MCTP1: variants seen among roughly 807,000 people sequenced by gnomAD.
MCTP1 encodes multiple C2 and transmembrane domain-containing protein 1.
A neutral mutation model predicts 120.6 loss-of-function variants in MCTP1; 69 were observed. That is an observed-to-expected ratio of 0.57 (90% confidence interval 0.47 to 0.70). The LOEUF (loss-of-function observed/expected upper bound fraction) is 0.70. Among genes scored for constraint, MCTP1 ranks in the 30% least tolerant of loss-of-function variants. The pLI is 0.00. For synonymous variants in MCTP1, 529 were observed against 493.1 expected (o/e 1.07, Z -0.96); for missense variants, 1,203 against 1,248.8 (o/e 0.96, Z 0.55).
chr5:94,800,176 C>T (rs942303383), intron 17 of MCTP1, among the ~76,000 whole-genome samples: 12 of 152,120 alleles, frequency 7.9e-5, no homozygotes, highest in Admixed American at 4.6e-4. Flanking sequence ...GCAGTAATTT[C>T]GCAAAAACCA....
chr5:94,926,044 G>A (rs1813013648), intron 6 of MCTP1, among the ~76,000 whole-genome samples: 1 of 151,984 alleles, frequency 6.6e-6, no homozygotes, highest in Non-Finnish European at 1.5e-5. Context: ...AAAATTAAAG[G>A]ACAGTTTATT....
At chr5:94,776,835 C>T (rs1469388145) in intron 19 of MCTP1, among the ~76,000 whole-genome samples, 2 of 152,094 alleles carry the variant, frequency 1.3e-5, no homozygotes, top group African/African-American at 2.4e-5. Context: ...ACACTGATAG[C>T]CAAGACGTAA....
chr5:94,871,592 C>T (rs1797863667), intron 13 of MCTP1, among the ~76,000 whole-genome samples, 175 bp from the exon 14 acceptor site: 7 of 152,026 alleles, frequency 4.6e-5, no homozygotes, highest in Admixed American at 4.6e-4. Context: ...CATAATGCAC[C>T]TAAGTCAACT....
chr5:95,130,283 A>C (rs1048227697), intron 1 of MCTP1, among the ~76,000 whole-genome samples: 1 of 152,136 alleles, frequency 6.6e-6, no homozygotes, highest in African/African-American at 2.4e-5. Context: ...CGTGTCTCCT[A>C]TCTCCTACCT....
In MCTP1 at chr5:94,704,586, TAAAAGATAATTTTAG is replaced by T. The variant is rs1295886857; in HGVS notation, c.*2895_*2909del. On this transcript the variant is annotated 3_prime_UTR_variant, in exon 23 of 23. Coordinates refer to ENST00000515393, the MANE Select transcript of MCTP1 (RefSeq NM_024717.7). ...TTTTAAATGCAGAATAAAAATTTTATAAAAGATAATTTTAGAAATGTATCAATTAAATTTGGCTCT... is the reference window on the plus strand; with the variant it reads ...TTTTAAATGCAGAATAAAAATTTTATAAATGTATCAATTAAATTTGGCTCT... The T allele has an allele frequency of 6.7e-6, 1 of 148,202 alleles. No homozygotes were observed. Among genetic ancestry groups the T allele is most frequent in the Non-Finnish European group, 1.5e-5 (1 of 67,588 alleles). 9.2% of individuals were successfully genotyped at this position (148,202 alleles called of 1,614,324 possible).
intron 19 of MCTP1, among the ~76,000 whole-genome samples, chr5:94,777,393 A>ATCC (rs974963987): frequency 2.6e-5 from 4 of 152,284 alleles, no homozygotes; most frequent in Admixed American, 6.5e-5. Context: ...CATATCTAAC[A>ATCC]TCCTCTCCAT....
At chr5:94,826,200 T>C in intron 17 of MCTP1, 1 of 409,686 alleles carries the variant, frequency 2.4e-6, no homozygotes, top group Non-Finnish European at 4.7e-6. Flanking sequence ...GTCCAAGCAA[T>C]TTGCTTCTTA....
intron 1 of MCTP1, among the ~76,000 whole-genome samples, chr5:95,070,717 C>A (rs1486669546): frequency 6.6e-6 from 1 of 152,208 alleles, no homozygotes; most frequent in Non-Finnish European, 1.5e-5. Flanking sequence ...GGCAGACTGT[C>A]TAGAGAGAGG....
At chr5:95,186,988 T>C (rs1238549110) in intron 1 of MCTP1, among the ~76,000 whole-genome samples, 1 of 152,210 alleles carries the variant, frequency 6.6e-6, no homozygotes, top group Non-Finnish European at 1.5e-5. Context: ...GGAACCCTCA[T>C]ACACTGTTGG....
chr5:94,711,099 A>G (rs571306910), intron 20 of MCTP1, among the ~76,000 whole-genome samples, 172 bp from the exon 21 acceptor site: 2 of 152,262 alleles, frequency 1.3e-5, no homozygotes, highest in Non-Finnish European at 2.9e-5. Context: ...GCTCAGTTCC[A>G]TGAACACAGG....
At chr5:95,236,495 C>T (rs373490846) in intron 1 of MCTP1, among the ~76,000 whole-genome samples, 12 of 152,232 alleles carry the variant, frequency 7.9e-5, no homozygotes, top group African/African-American at 2.9e-4. Flanking sequence ...ATGTCTTCTC[C>T]CTTACTTCCC....
chr5:95,136,769 G>A (rs1759480461), intron 1 of MCTP1, among the ~76,000 whole-genome samples: 1 of 152,162 alleles, frequency 6.6e-6, no homozygotes, highest in Non-Finnish European at 1.5e-5. Flanking sequence ...CTCACAATTA[G>A]GAAGAGGCAC....
At chr5:95,090,476 T>A (rs776788640) in intron 1 of MCTP1, among the ~76,000 whole-genome samples, 5 of 152,078 alleles carry the variant, frequency 3.3e-5, no homozygotes, top group Non-Finnish European at 5.9e-5. Flanking sequence ...GGTCCTTGGC[T>A]TTTTTTGCTA....
In MCTP1 at chr5:95,106,199, CT is replaced by C. The variant is rs532998711; in HGVS notation, c.721-88716del. Among the ~76,000 whole-genome samples the C allele has an allele frequency of 9.2e-5, 14 of 152,344 alleles. 1 individual carries two copies. Among genetic ancestry groups the C allele is most frequent in the African/African-American group, 2.9e-4 (12 of 41,580 alleles). ...CACAGATGGGCCATCGCAGAATACA[CT>C]TTTGTCTTGCACAAAGTGATGGTTT... On this transcript the variant is annotated intron_variant, in intron 1 of 22. Transcript: ENST00000515393.
intron 1 of MCTP1, among the ~76,000 whole-genome samples, chr5:95,269,093 C>T (rs978142341): frequency 1.3e-5 from 2 of 152,118 alleles, no homozygotes; most frequent in African/African-American, 4.8e-5. Context: ...GCTAAGAATT[C>T]CCACTGCTTT....
chr5:94,826,556 C>T, intron 17 of MCTP1: 1 of 724,068 alleles, frequency 1.4e-6, no homozygotes, highest in Non-Finnish European at 2.5e-6. Context: ...TAGAAGCTTC[C>T]TCCTTCCCTT....
chr5:94,940,090 C>T lies in MCTP1; in HGVS notation c.1167G>A (p.Arg389=), dbSNP rs201519963. The part of the protein sequence containing the change: ...VILTPKEGES[R]DVTMLMRKSW... ...AGGCTGTGGGGGAACTTACCACATC[C>T]CTGGACTCTCCTTCTTTAGGGGTAA... The change falls in exon 5 of 23, where the codon AGG becomes AGA. Residue 389 remains arginine (R), a synonymous_variant. Transcript: ENST00000515393. The T allele has an allele frequency of 5.6e-6, 9 of 1,593,252 alleles. No individual in the cohort carries two copies. The highest frequency in any genetic ancestry group is 7.7e-6 in the Non-Finnish European group (9 of 1,163,150).
chr5:94,940,112 G>C lies in MCTP1; in HGVS notation c.1145C>G (p.Thr382Ser). 1 of 1,607,640 alleles carries C rather than the reference G, an allele frequency of 6.2e-7. No individual in the cohort carries two copies. ...ATCCCTGGACTCTCCTTCTTTAGGGGTAAGGATGACTGAGAGCAAAATGAT... is the reference window on the plus strand; with the variant it reads ...ATCCCTGGACTCTCCTTCTTTAGGGCTAAGGATGACTGAGAGCAAAATGAT... ...LGIILLSVIL[T>S]PKEGESRDVT... The change falls in exon 5 of 23, where the codon ACC becomes AGC. Residue 382 changes from threonine to serine, a missense_variant. By Grantham distance (58) the Thr-to-Ser change is moderately conservative. Transcript: ENST00000515393.
At chr5:95,255,139 G>A (rs1757750155) in intron 1 of MCTP1, among the ~76,000 whole-genome samples, 1 of 152,062 alleles carries the variant, frequency 6.6e-6, no homozygotes, top group Admixed American at 6.6e-5. Flanking sequence ...AATTGATAAG[G>A]GTTGCAGGAG....
Sources: allele counts gnomAD v4.1 joint callset (sites outside exome capture counted in the v4.1 genomes callset), GRCh38; gene constraint gnomAD v4.1.1; transcripts MANE v1.5; gene names NCBI Gene and HGNC (gene_info 2026-07-23, HGNC 2026-07-21).